The following ZWILCH variants were observed in gnomAD, a reference collection of about 807,000 sequenced individuals.
The protein encoded by ZWILCH is zwilch kinetochore protein.
In ZWILCH, 74 loss-of-function variants were observed where a neutral mutation model predicts 79.9. The observed-to-expected ratio is 0.93, with a 90% CI of 0.77 to 1.12. The LOEUF (loss-of-function observed/expected upper bound fraction) is 1.12. Among genes scored for constraint, ZWILCH ranks in the 50% most tolerant of loss-of-function variants. The probability of loss-of-function intolerance (pLI) is 0.00; values close to 1 mark genes in which losing one functional copy is unlikely to be tolerated. For missense variants in ZWILCH, 694 were observed against 687.5 expected (o/e 1.01, Z -0.11); for synonymous variants, 241 against 228.2 (o/e 1.06, Z -0.51).
At position 66,515,645 on chromosome 15, in the gene ZWILCH, G is replaced by C; in HGVS notation, c.320+1G>C. On this transcript the variant is annotated splice_donor_variant, in intron 4 of 18. Transcript: ENST00000307897. LOFTEE classifies it high-confidence loss of function. The stretch of plus-strand genomic sequence containing the variant: ...TTGCTTTACCAGTTGGGAAGGCAAG[G>C]TAGGTTTTCTCTTATGCTGAGTAGG... 1 of 1,603,386 alleles carries C rather than the reference G, an allele frequency of 6.2e-7. No individual in the cohort carries two copies. Among genetic ancestry groups the C allele is most frequent in the Non-Finnish European group, 8.5e-7 (1 of 1,170,846 alleles).
intron 2 of ZWILCH, among the ~76,000 whole-genome samples, chr15:66,512,346 A>G (rs113252790): frequency 3.3e-5 from 5 of 149,540 alleles, no homozygotes; most frequent in African/African-American, 1.2e-4. Context: ...GCGGCCTCAA[A>G]CTCCTGGGCT....
intron 13 of ZWILCH, 56 bp downstream of exon 13, chr15:66,532,459 A>G: frequency 6.7e-7 from 1 of 1,483,716 alleles, no homozygotes. Context: ...TATCAGTCAC[A>G]GATATTCTCG....
intron 7 of ZWILCH, among the ~76,000 whole-genome samples, chr15:66,521,581 G>T (rs190951472): frequency 1.3e-5 from 2 of 151,980 alleles, no homozygotes; most frequent in Non-Finnish European, 2.9e-5. Flanking sequence ...CTGCAGCCTC[G>T]AACTCCTGTG....
chr15:66,521,540 G>T (rs1894493242), intron 7 of ZWILCH, among the ~76,000 whole-genome samples: 1 of 152,144 alleles, frequency 6.6e-6, no homozygotes, highest in Admixed American at 6.5e-5. Flanking sequence ...CTGTCACCCA[G>T]GCTGGAGTAA....
intron 1 of ZWILCH, among the ~76,000 whole-genome samples, chr15:66,508,340 G>A (rs77846577): frequency 0.013 from 1,972 of 152,234 alleles, 35 homozygotes; most frequent in African/African-American, 0.045. Context: ...CAAATTTACT[G>A]ACTTTGAGTA....
At chr15:66,512,230 T>C (rs1197164432) in intron 2 of ZWILCH, among the ~76,000 whole-genome samples, 1 of 152,176 alleles carries the variant, frequency 6.6e-6, no homozygotes, top group Non-Finnish European at 1.5e-5. Context: ...AAAATCCTAT[T>C]AGATATCTAA....
chr15:66,545,805 G>A (rs1401817867), intron 17 of ZWILCH, among the ~76,000 whole-genome samples: 1 of 152,164 alleles, frequency 6.6e-6, no homozygotes, highest in African/African-American at 2.4e-5. Context: ...TGTAAATATG[G>A]CCTAAAATGT....
At chr15:66,509,509 C>A (rs1416644838) in intron 2 of ZWILCH, among the ~76,000 whole-genome samples, 2 of 152,178 alleles carry the variant, frequency 1.3e-5, no homozygotes, top group East Asian at 1.9e-4. Flanking sequence ...ACAATTCATT[C>A]TATTTCTGAG....
intron 14 of ZWILCH, among the ~76,000 whole-genome samples, chr15:66,534,174 A>T (rs753631673): frequency 6.6e-6 from 1 of 151,962 alleles, no homozygotes; most frequent in Non-Finnish European, 1.5e-5. Flanking sequence ...TCTTCTTGTC[A>T]TTATTCTCTT....
chr15:66,510,204 TAAATA>T (rs569377201), intron 2 of ZWILCH, among the ~76,000 whole-genome samples: 121 of 138,578 alleles, frequency 8.7e-4, no homozygotes, highest in East Asian at 4.5e-3. Flanking sequence ...TAAAATAAAA[TAAATA>T]AAATAAAATA....
At chr15:66,520,403 G>A (rs1055004215) in intron 5 of ZWILCH, 187 bp from the exon 6 acceptor site, 1 of 521,938 alleles carries the variant, frequency 1.9e-6, no homozygotes. Context: ...TTATATGTGT[G>A]AGCCACCATA....
At chr15:66,515,085 G>A (rs1055078316) in intron 3 of ZWILCH, among the ~76,000 whole-genome samples, 2 of 151,912 alleles carry the variant, frequency 1.3e-5, no homozygotes, top group African/African-American at 4.8e-5. Context: ...GGGACCACAG[G>A]TGCATGCCAC....
chr15:66,527,486 C>CTTTGTA, intron 9 of ZWILCH, 103 bp downstream of exon 9: 1 of 937,898 alleles, frequency 1.1e-6, no homozygotes, highest in Non-Finnish European at 1.7e-6. Flanking sequence ...ATATACAAAG[C>CTTTGTA]TATGAGATCT....
At chr15:66,543,487 C>T (rs1375184071) in intron 17 of ZWILCH, among the ~76,000 whole-genome samples, 8 of 152,152 alleles carry the variant, frequency 5.3e-5, no homozygotes. Flanking sequence ...TGCATTGGCT[C>T]ACGATTTTGT....
At chr15:66,519,749 G>T (rs1308466989) in intron 5 of ZWILCH, among the ~76,000 whole-genome samples, 1 of 152,170 alleles carries the variant, frequency 6.6e-6, no homozygotes. Context: ...CTCCCGAAGT[G>T]CTGGGATTAC....
At position 66,505,691 on chromosome 15, in the gene ZWILCH, C is replaced by G. The variant is rs537977181; in HGVS notation, c.53+300C>G. The G allele has an allele frequency of 4.2e-5, 18 of 425,110 alleles. No homozygotes were observed. The Admixed American group carries it at 6.0e-4, about 14-fold the overall frequency. 26.3% of individuals were successfully genotyped at this position (425,110 alleles called of 1,614,324 possible). ...CACTTGCCATAAGTAGAGGCACCAC[C>G]CGGGATACGGAAAACTAGGTGTTGG... is the stretch of plus-strand genomic sequence containing the variant. On this transcript the variant is annotated intron_variant, in intron 1 of 18. Transcript: ENST00000307897.
chr15:66,529,020 G>A, intron 11 of ZWILCH, 63 bp downstream of exon 11: 1 of 1,335,992 alleles, frequency 7.5e-7, no homozygotes, highest in Non-Finnish European at 1.1e-6. Flanking sequence ...TAAGTCTTTT[G>A]GAAATAATAC....
intron 7 of ZWILCH, among the ~76,000 whole-genome samples, chr15:66,522,614 A>G (rs1407461204): frequency 6.6e-6 from 1 of 152,130 alleles, no homozygotes; most frequent in East Asian, 1.9e-4. Context: ...GGCCTAAAAT[A>G]GATTTCATGA....
At chr15:66,536,114 T>C (rs1471056342) in intron 15 of ZWILCH, 45 bp downstream of exon 15, 5 of 1,509,514 alleles carry the variant, frequency 3.3e-6, no homozygotes, top group Non-Finnish European at 4.5e-6. Flanking sequence ...TGTATTTCTT[T>C]TGAAATAGTT....
Sources: allele counts gnomAD v4.1 joint callset (sites outside exome capture counted in the v4.1 genomes callset), GRCh38; gene constraint gnomAD v4.1.1; transcripts MANE v1.5; gene names NCBI Gene and HGNC (gene_info 2026-07-23, HGNC 2026-07-21).